AHI1: variants seen among roughly 807,000 people sequenced by gnomAD.
The protein encoded by AHI1 is Abelson helper integration site 1.
A neutral mutation model predicts 149.3 loss-of-function variants in AHI1; 123 were observed. That is an observed-to-expected ratio of 0.82 (90% CI 0.71 to 0.96). The LOEUF (loss-of-function observed/expected upper bound fraction) is 0.96, where lower values mean the gene tolerates loss of function less well. Among genes scored for constraint, AHI1 ranks in the 40% least tolerant of loss-of-function variants. AHI1 has a pLI of 0.00. For synonymous variants in AHI1, 475 were observed against 459.8 expected (o/e 1.03, Z -0.42); for missense variants, 1,439 against 1,422.7 (o/e 1.01, Z -0.18).
intron 18 of AHI1, among the ~76,000 whole-genome samples, chr6:135,429,478 T>C (rs1318885272): frequency 6.6e-6 from 1 of 151,732 alleles, no homozygotes; most frequent in African/African-American, 2.4e-5. Flanking sequence ...TCAAAAGCCC[T>C]CTCCTGTAGT....
At chr6:135,417,015 A>G (rs955388512) in intron 20 of AHI1, among the ~76,000 whole-genome samples, 7 of 152,080 alleles carry the variant, frequency 4.6e-5, no homozygotes, top group African/African-American at 1.4e-4. Flanking sequence ...ATTACCCTCA[A>G]CTATTCAAAG....
intron 24 of AHI1, among the ~76,000 whole-genome samples, chr6:135,342,914 G>A (rs1790588988): frequency 6.6e-6 from 1 of 150,956 alleles, no homozygotes; most frequent in South Asian, 2.1e-4. Flanking sequence ...CTTCAACATT[G>A]TACTGGAGGT....
chr6:135,413,123 G>C (rs1193071204), intron 20 of AHI1, among the ~76,000 whole-genome samples: 1 of 152,084 alleles, frequency 6.6e-6, no homozygotes, highest in African/African-American at 2.4e-5. Context: ...GAGCCTAGGA[G>C]TTTGAGACCA....
chr6:135,304,686 G>A lies in AHI1; in HGVS notation c.3427-4128C>T, dbSNP rs150884535. On this transcript the variant is annotated intron_variant, in intron 26 of 28. Coordinates refer to ENST00000265602, the MANE Select transcript of AHI1 (RefSeq NM_001134831.2). Reference sequence around the variant, plus strand: ...CTCGGGAGGCTGAGGTAGGAGAATTGCTTGAACCCAGGAGGCGGAGGTTGC... The same window carrying A: ...CTCGGGAGGCTGAGGTAGGAGAATTACTTGAACCCAGGAGGCGGAGGTTGC... Among the ~76,000 whole-genome samples, 877 of 152,262 alleles carry A rather than the reference G, an allele frequency of 5.8e-3. 9 individuals are homozygous for A. The highest frequency in any genetic ancestry group is 0.019 in the African/African-American group (798 of 41,544).
chr6:135,497,719 T>A lies in AHI1; in HGVS notation c.-338A>T, dbSNP rs1367905168. 1.2e-5 allele frequency: 2 copies of A among 171,596 alleles called. No homozygotes were observed. Among genetic ancestry groups the A allele is most frequent in the African/African-American group, 4.8e-5 (2 of 41,574 alleles). 10.6% of individuals were successfully genotyped at this position (171,596 alleles called of 1,614,324 possible). ...CCTAACCCGCCAGCGACCCGTGTCC[T>A]GAAAGCAAGCCGCGGCTCTGTGCCG... On this transcript the variant is annotated 5_prime_UTR_variant, in exon 1 of 29. Transcript: ENST00000265602.
At chr6:135,318,470 G>A in intron 26 of AHI1, 49 bp downstream of exon 26, 2 of 1,123,942 alleles carry the variant, frequency 1.8e-6, no homozygotes, top group Non-Finnish European at 2.6e-6. Flanking sequence ...TATCCAGAGA[G>A]AGTGAAAATC....
Position 135,300,561 on chromosome 6 carries a change from G to T in AHI1, c.3427-3C>A, listed in dbSNP as rs1338403472. On this transcript the variant is annotated splice_polypyrimidine_tract_variant and splice_region_variant and intron_variant, in intron 26 of 28. Transcript: ENST00000265602. ...GACTTGTTCTTATTGATTGATTGCT[G>T]TGGAAGAAGAGGAAAAACAAGTAGT... 2 of 1,603,888 alleles carry T rather than the reference G, an allele frequency of 1.2e-6. No homozygotes were observed. Among genetic ancestry groups the T allele is most frequent in the Non-Finnish European group, 1.7e-6 (2 of 1,174,728 alleles).
Position 135,384,905 on chromosome 6 carries a change from AT to A in AHI1, c.3109+9870del, listed in dbSNP as rs531554236. Among the ~76,000 whole-genome samples, 422 of 152,288 alleles carry A rather than the reference AT, an allele frequency of 2.8e-3. 3 individuals are homozygous for A. The highest frequency in any genetic ancestry group is 3.0e-3 in the Non-Finnish European group (202 of 68,022). ...GGAGTTCAACACCAGCCTGCCCACC[AT>A]GGTGAAATCCCGCCTCTACTGAAAA... On this transcript the variant is annotated intron_variant, in intron 23 of 28. Transcript: ENST00000265602.
At chr6:135,340,788 T>C (rs1342883300) in intron 24 of AHI1, among the ~76,000 whole-genome samples, 1 of 149,886 alleles carries the variant, frequency 6.7e-6, no homozygotes, top group Non-Finnish European at 1.5e-5. Context: ...TTAAAATGTA[T>C]AAAGATGTAA....
chr6:135,471,465 T>C (rs1275659400), intron 5 of AHI1, among the ~76,000 whole-genome samples: 1 of 152,226 alleles, frequency 6.6e-6, no homozygotes, highest in Non-Finnish European at 1.5e-5. Flanking sequence ...CTTTATGGGA[T>C]AAATTCCCAA....
chr6:135,394,605 C>A, intron 23 of AHI1, 171 bp downstream of exon 23: 1 of 910,620 alleles, frequency 1.1e-6, no homozygotes. Context: ...TCCAAACTTA[C>A]TTTTGAAATA....
intron 26 of AHI1, chr6:135,302,666 T>G: frequency 8.5e-7 from 1 of 1,180,676 alleles, no homozygotes; most frequent in South Asian, 1.6e-5. Flanking sequence ...AAAAGGACAC[T>G]TACTTAACTA....
chr6:135,286,163 G>T (rs1583493463), intron 28 of AHI1, among the ~76,000 whole-genome samples: 2 of 152,096 alleles, frequency 1.3e-5, no homozygotes, highest in Non-Finnish European at 2.9e-5. Flanking sequence ...TTAAAAAATG[G>T]GCTGTCTCAT....
chr6:135,477,197 C>T (rs138330752), intron 5 of AHI1, among the ~76,000 whole-genome samples: 2,162 of 151,976 alleles, frequency 0.014, 50 homozygotes, highest in African/African-American at 0.049. Flanking sequence ...CCCAACACCA[C>T]GCCCGGCTAA....
intron 15 of AHI1, 116 bp downstream of exon 15, chr6:135,438,259 A>T (rs1785712706): frequency 1.0e-6 from 1 of 994,926 alleles, no homozygotes; most frequent in Admixed American, 3.5e-5. Flanking sequence ...TATTTATGAC[A>T]GTCCCTTCTT....
chr6:135,398,985 A>G lies in AHI1; in HGVS notation c.2989-4089T>C, dbSNP rs563142713. ...GATCACTTGAGTCCAAGAGTTCAAGACCAGCCTGGGCAACACAGTGAGACC... is the reference window on the plus strand; with the variant it reads ...GATCACTTGAGTCCAAGAGTTCAAGGCCAGCCTGGGCAACACAGTGAGACC... On this transcript the variant is annotated intron_variant, in intron 22 of 28. Transcript: ENST00000265602. Among the ~76,000 whole-genome samples, 6 of 152,144 alleles carry G rather than the reference A, an allele frequency of 3.9e-5. No individual in the cohort carries two copies. The South Asian group carries it at 1.2e-3, about 32-fold the overall frequency.
Position 135,490,611 on chromosome 6 carries a change from T to G in AHI1, c.135+12A>C, listed in dbSNP as rs1216607528. On this transcript the variant is annotated intron_variant, in intron 5 of 28. Transcript: ENST00000265602. ...TATGTAAATCACTATTACCCAATGA[T>G]CATTTACTTACTGAGATGTTTTCTT... The G allele has an allele frequency of 6.2e-7, 1 of 1,613,576 alleles. No individual in the cohort carries two copies. The highest frequency in any genetic ancestry group is 1.7e-5 in the Admixed American group (1 of 60,024).
chr6:135,316,757 A>C (rs532493888), intron 26 of AHI1, among the ~76,000 whole-genome samples: 4 of 152,234 alleles, frequency 2.6e-5, no homozygotes. Flanking sequence ...TAATAGAACT[A>C]ACACACTAAT....
intron 23 of AHI1, among the ~76,000 whole-genome samples, chr6:135,388,342 T>C (rs529088008): frequency 3.3e-5 from 5 of 152,376 alleles, no homozygotes; most frequent in African/African-American, 9.6e-5. Flanking sequence ...GAAGCTCATT[T>C]TACCTTCCTT....
Sources: allele counts gnomAD v4.1 joint callset (sites outside exome capture counted in the v4.1 genomes callset), GRCh38; gene constraint gnomAD v4.1.1; transcripts MANE v1.5; gene names NCBI Gene and HGNC (gene_info 2026-07-23, HGNC 2026-07-21).